The following ANKS1B variants were observed in gnomAD, a reference collection of about 807,000 sequenced individuals.
ANKS1B encodes ankyrin repeat and sterile alpha motif domain containing 1B.
A neutral mutation model predicts 148.3 loss-of-function variants in ANKS1B; 36 were observed. The observed-to-expected ratio is 0.24, with a 90% confidence interval of 0.19 to 0.32. The LOEUF is 0.32. ANKS1B is among the 10% of genes least tolerant of loss of function. The pLI is 1.00. For synonymous variants in ANKS1B, 542 were observed against 560.8 expected (o/e 0.97, Z 0.47); for missense variants, 1,157 against 1,542.6 (o/e 0.75, Z 4.19).
rs183378847 is a variant in ANKS1B at position 99,467,001 on chromosome 12, G to A, written c.1439-23192C>T. Among the ~76,000 whole-genome samples, 1,234 of 152,238 alleles carry A rather than the reference G, an allele frequency of 8.1e-3. 10 individuals are homozygous for A. The highest frequency in any genetic ancestry group is 0.028 in the African/African-American group (1,181 of 41,546). Reference sequence around the variant, plus strand: ...GACACAACCAAAAAAGAGAATTTTAGACCAATATCCTTGATGAACACTGAT... The same window carrying A: ...GACACAACCAAAAAAGAGAATTTTAAACCAATATCCTTGATGAACACTGAT... On this transcript the variant is annotated intron_variant, in intron 10 of 26. Coordinates refer to ENST00000683438, the MANE Select transcript of ANKS1B (RefSeq NM_001352186.2).
chr12:99,866,332 T>C (rs924729426), intron 1 of ANKS1B, among the ~76,000 whole-genome samples: 4 of 152,178 alleles, frequency 2.6e-5, no homozygotes, highest in African/African-American at 4.8e-5. Context: ...ATGGCTCTAT[T>C]ACAGAAGTAT....
chr12:98,952,056 C>A (rs1251859790), intron 17 of ANKS1B, among the ~76,000 whole-genome samples: 2 of 152,084 alleles, frequency 1.3e-5, no homozygotes, highest in Non-Finnish European at 2.9e-5. Context: ...TGCCTTTTTT[C>A]CTGGTAATCT....
At chr12:99,691,965 G>C (rs2098681376) in intron 8 of ANKS1B, among the ~76,000 whole-genome samples, 1 of 152,192 alleles carries the variant, frequency 6.6e-6, no homozygotes, top group Non-Finnish European at 1.5e-5. Flanking sequence ...ACAAAAGCCA[G>C]TACAACTGGG....
chr12:99,321,358 T>TC (rs1314996910), intron 12 of ANKS1B, among the ~76,000 whole-genome samples: 2 of 152,280 alleles, frequency 1.3e-5, no homozygotes, highest in Non-Finnish European at 2.9e-5. Flanking sequence ...TCCACCCAGT[T>TC]CAAGCTTCCC....
chr12:99,850,896 A>G (rs1209977499), intron 1 of ANKS1B, among the ~76,000 whole-genome samples: 1 of 152,196 alleles, frequency 6.6e-6, no homozygotes, highest in Non-Finnish European at 1.5e-5. Flanking sequence ...ATAAAAATCA[A>G]AGAATTCATA....
At chr12:99,669,345 G>A (rs1191525631) in intron 8 of ANKS1B, among the ~76,000 whole-genome samples, 2 of 152,016 alleles carry the variant, frequency 1.3e-5, no homozygotes, top group Non-Finnish European at 2.9e-5. Flanking sequence ...TCTGAGTGTA[G>A]TTGTATTTCT....
chr12:99,481,853 A>T (rs1156585488), intron 10 of ANKS1B, among the ~76,000 whole-genome samples: 6 of 151,622 alleles, frequency 4.0e-5, no homozygotes, highest in African/African-American at 1.5e-4. Context: ...ATTCCTTGTC[A>T]AGTTTTTGAA....
At chr12:98,890,094 T>C (rs767659202) in intron 17 of ANKS1B, among the ~76,000 whole-genome samples, 16 of 152,186 alleles carry the variant, frequency 1.1e-4, no homozygotes, top group Admixed American at 3.9e-4. Context: ...AAATGTTATC[T>C]TCCAAGACAG....
chr12:99,336,536 A>AT (rs2152308312), intron 12 of ANKS1B, among the ~76,000 whole-genome samples: 1 of 151,422 alleles, frequency 6.6e-6, no homozygotes, highest in South Asian at 2.1e-4. Context: ...CTTTGATTTG[A>AT]TTTTTGTATA....
intron 17 of ANKS1B, among the ~76,000 whole-genome samples, chr12:98,974,212 C>CA (rs1400889864): frequency 6.6e-6 from 1 of 152,102 alleles, no homozygotes; most frequent in Non-Finnish European, 1.5e-5. Context: ...TCAGTGTCTC[C>CA]AAAATCCAGC....
intron 9 of ANKS1B, among the ~76,000 whole-genome samples, chr12:99,580,392 T>G (rs2097558982): frequency 6.6e-6 from 1 of 152,162 alleles, no homozygotes; most frequent in African/African-American, 2.4e-5. Flanking sequence ...TAAAATCATT[T>G]ATAATATGTT....
chr12:99,837,012 G>A (rs1037192359), intron 1 of ANKS1B, among the ~76,000 whole-genome samples: 1 of 152,140 alleles, frequency 6.6e-6, no homozygotes, highest in African/African-American at 2.4e-5. Context: ...TAAGGTTGCA[G>A]ATAGACTTAC....
At chr12:99,426,654 A>C (rs1328265355) in intron 11 of ANKS1B, among the ~76,000 whole-genome samples, 1 of 152,224 alleles carries the variant, frequency 6.6e-6, no homozygotes, top group Non-Finnish European at 1.5e-5. Context: ...TACTTTCCAG[A>C]AAATTTTTCC....
intron 12 of ANKS1B, among the ~76,000 whole-genome samples, chr12:99,265,683 C>T (rs1245146296): frequency 6.6e-6 from 1 of 152,138 alleles, no homozygotes; most frequent in Non-Finnish European, 1.5e-5. Flanking sequence ...CAGTTGTCCT[C>T]ATTAAGAACC....
intron 9 of ANKS1B, among the ~76,000 whole-genome samples, chr12:99,619,516 T>C (rs987527480): frequency 1.4e-4 from 21 of 152,036 alleles, no homozygotes; most frequent in African/African-American, 4.8e-4. Flanking sequence ...AGCCTGAACC[T>C]TCCCACCCTT....
intron 10 of ANKS1B, among the ~76,000 whole-genome samples, chr12:99,495,202 C>T (rs868163873): frequency 6.6e-5 from 10 of 152,234 alleles, no homozygotes; most frequent in Middle Eastern, 3.4e-3. Flanking sequence ...ATAGCATACA[C>T]GACATCATAA....
chr12:98,990,675 G>T (rs545195663), intron 17 of ANKS1B, among the ~76,000 whole-genome samples: 1 of 152,228 alleles, frequency 6.6e-6, no homozygotes, highest in African/African-American at 2.4e-5. Flanking sequence ...GAGGAAAGAG[G>T]CATGAGAAAG....
intron 17 of ANKS1B, among the ~76,000 whole-genome samples, chr12:98,843,007 A>G (rs1259662367): frequency 6.6e-6 from 1 of 152,214 alleles, no homozygotes; most frequent in South Asian, 2.1e-4. Context: ...TTGCGGAGTG[A>G]TCACTAGGAG....
intron 12 of ANKS1B, among the ~76,000 whole-genome samples, chr12:99,280,718 G>T (rs772741198): frequency 2.0e-5 from 3 of 152,100 alleles, no homozygotes; most frequent in Non-Finnish European, 4.4e-5. Context: ...CTAAGATGTT[G>T]TTTTCTTTTC....
Sources: gnomAD v4.1 joint callset for allele counts (sites outside exome capture counted in the v4.1 genomes callset) on GRCh38, gnomAD v4.1.1 for gene constraint, MANE v1.5 for transcripts, NCBI Gene and HGNC (gene_info 2026-07-23, HGNC 2026-07-21) for gene names.